Variants in PALM observed in about 807,000 individuals in gnomAD.
PALM encodes the protein paralemmin.
A neutral mutation model predicts 30.7 loss-of-function variants in PALM; 18 were observed. That is an observed-to-expected ratio of 0.59 (90% CI 0.41 to 0.87). The LOEUF is 0.87. Among genes scored for constraint, PALM ranks in the 40% least tolerant of loss-of-function variants. The pLI is 0.00. For synonymous variants in PALM, 286 were observed against 242.8 expected (o/e 1.18, Z -1.66); for missense variants, 529 against 555.4 (o/e 0.95, Z 0.48).
intron 1 of PALM, among the ~76,000 whole-genome samples, chr19:720,905 C>T (rs1394697678): frequency 6.6e-6 from 1 of 152,190 alleles, no homozygotes; most frequent in African/African-American, 2.4e-5. Context: ...GGAGTTCCGC[C>T]GTTTTGTGGA....
chr19:746,356 A>G lies in PALM; in HGVS notation c.706A>G (p.Ile236Val), dbSNP rs375219606. The change falls in exon 9 of 9, where the codon ATC becomes GTC. Residue 236 changes from isoleucine (I) to valine (V), a missense_variant. Transcript: ENST00000338448. The surrounding 1 kb of genome is among the most constrained non-coding windows in gnomAD (Gnocchi z 7.1). ...PLSSSEVDEL[I>V]HKADEVTLSE... ...GAGCTCCTCCGAGGTGGACGAACTC[A>G]TCCACAAAGCGGACGAGGTCACGCT... 154 of 1,612,732 alleles carry G rather than the reference A, an allele frequency of 9.5e-5. No homozygotes were observed. The highest frequency in any genetic ancestry group is 1.3e-4 in the Non-Finnish European group (150 of 1,179,286).
intron 1 of PALM, among the ~76,000 whole-genome samples, chr19:713,576 A>G (rs935199921): frequency 2.6e-5 from 4 of 152,244 alleles, no homozygotes; most frequent in Middle Eastern, 6.8e-3. Context: ...AAATTGGCTT[A>G]TGTTCTTTTT....
intron 1 of PALM, among the ~76,000 whole-genome samples, chr19:717,043 C>T (rs750770220): frequency 2.8e-4 from 42 of 152,056 alleles, no homozygotes; most frequent in Admixed American, 5.2e-4. Context: ...GGTTCTCCTG[C>T]CTCAGCCTCC....
At chr19:729,354 A>G (rs2032793829) in intron 4 of PALM, among the ~76,000 whole-genome samples, 1 of 150,452 alleles carries the variant, frequency 6.6e-6, no homozygotes, top group African/African-American at 2.4e-5. Context: ...AGGGTGGGGC[A>G]GTTCTGGTGG....
At chr19:710,733 C>T (rs950383855) in intron 1 of PALM, among the ~76,000 whole-genome samples, 1 of 150,430 alleles carries the variant, frequency 6.6e-6, no homozygotes, top group African/African-American at 2.4e-5. Flanking sequence ...ACGGTTTCTC[C>T]GTCCTGGGTC....
chr19:738,082 A>G (rs971381340), intron 7 of PALM, among the ~76,000 whole-genome samples: 10 of 152,004 alleles, frequency 6.6e-5, no homozygotes, highest in African/African-American at 2.4e-4. Flanking sequence ...CCAGGGTTTG[A>G]GGAGAAACGA....
chr19:735,982 A>G (rs1599160732), intron 6 of PALM, 37 bp from the exon 7 acceptor site: 1 of 1,581,340 alleles, frequency 6.3e-7, no homozygotes, highest in African/African-American at 1.4e-5. Context: ...CTCTCCTCTG[A>G]CCCTCATCTC....
intron 6 of PALM, 82 bp downstream of exon 6, chr19:734,276 A>C (rs1258240732): frequency 7.2e-7 from 1 of 1,398,250 alleles, no homozygotes; most frequent in Non-Finnish European, 1.0e-6. Context: ...GAGTGAAGCT[A>C]CAAAGTTGCT....
At position 709,444 on chromosome 19, in the gene PALM, T is replaced by TCCGCCCGCGCC. The variant is rs1200953622; in HGVS notation, c.5+303_5+313dup. On this transcript the variant is annotated intron_variant, in intron 1 of 8. Coordinates refer to ENST00000338448, the MANE Select transcript of PALM (RefSeq NM_002579.3). The surrounding 1 kb of genome is among the most constrained non-coding windows in gnomAD (Gnocchi z 4.3). The stretch of plus-strand genomic sequence containing the variant: ...ACGCGGGGAGGGGGAGGCTCGCGTC[T>TCCGCCCGCGCC]CCGCCCGCGCCCCGCCCGCGTCTCC... 1.3e-5 allele frequency among the ~76,000 whole-genome samples: 2 copies of TCCGCCCGCGCC among 150,566 alleles called. No individual in the cohort carries two copies. Among genetic ancestry groups the TCCGCCCGCGCC allele is most frequent in the Non-Finnish European group, 3.0e-5 (2 of 67,486 alleles).
intron 6 of PALM, 128 bp from the exon 7 acceptor site, chr19:735,891 G>T: frequency 2.8e-6 from 2 of 726,014 alleles, no homozygotes; most frequent in Non-Finnish European, 2.3e-6. Context: ...TGGGGTCTGG[G>T]TGTCAAAGGC....
At chr19:711,227 G>GGAGAATCTCTGCTTCGGA (rs1648389630) in intron 1 of PALM, 1 of 978,262 alleles carries the variant, frequency 1.0e-6, no homozygotes, top group Non-Finnish European at 1.2e-6. Context: ...AAGGAGCTGG[G>GGAGAATCTCTGCTTCGGA]GAGAATCTCT....
At chr19:732,432 C>T (rs1360132299) in intron 5 of PALM, among the ~76,000 whole-genome samples, 2 of 152,174 alleles carry the variant, frequency 1.3e-5, no homozygotes, top group Non-Finnish European at 2.9e-5. Context: ...TAGTGGCTCA[C>T]GCCTGTAATC....
intron 2 of PALM, 46 bp from the exon 3 acceptor site, chr19:726,962 C>CGCG: frequency 9.7e-7 from 1 of 1,033,640 alleles, no homozygotes; most frequent in Admixed American, 2.2e-5. Flanking sequence ...GGGGGGTCTC[C>CGCG]GGGACCCCCA....
At chr19:731,276 C>T (rs1178406614) in intron 5 of PALM, 31 bp downstream of exon 5, 1 of 1,563,912 alleles carries the variant, frequency 6.4e-7, no homozygotes, top group South Asian at 1.2e-5. Context: ...AGCGGATCCC[C>T]AGGCACCCAC....
At chr19:720,825 G>A (rs936990956) in intron 1 of PALM, among the ~76,000 whole-genome samples, 1 of 152,168 alleles carries the variant, frequency 6.6e-6, no homozygotes, top group Non-Finnish European at 1.5e-5. Context: ...CCCCGGGTCC[G>A]GTCTGAGCGG....
chr19:727,881 G>A lies in PALM; in HGVS notation c.269+187G>A, dbSNP rs1267491075. On this transcript the variant is annotated intron_variant, in intron 4 of 8. Transcript: ENST00000338448. ...ACAGATCAGGTTGGGGCATCCACCT[G>A]GGTCTGGGGCAGCTTGCTGGGGGCA... 9 of 604,970 alleles carry A rather than the reference G, an allele frequency of 1.5e-5. No individual in the cohort carries two copies. The East Asian group carries it at 2.4e-4, about 16-fold the overall frequency. The allele number at this position is 604,970 out of a possible 1,614,324, so 37.5% of individuals were successfully genotyped here. A position where few individuals can be genotyped will look rare whatever the true frequency, so the allele number is the denominator to read the frequency against.
chr19:740,879 C>T (rs1432740595), intron 8 of PALM, among the ~76,000 whole-genome samples: 1 of 151,978 alleles, frequency 6.6e-6, no homozygotes, highest in East Asian at 1.9e-4. Context: ...GCCTTTAGTC[C>T]CAGCACTTTG....
At chr19:724,485 A>G (rs2032596032) in intron 1 of PALM, among the ~76,000 whole-genome samples, 1 of 151,666 alleles carries the variant, frequency 6.6e-6, no homozygotes, top group African/African-American at 2.4e-5. Context: ...ACGCCTGGCT[A>G]ATTTTTGTAT....
At chr19:719,935 T>A (rs2032402996) in intron 1 of PALM, among the ~76,000 whole-genome samples, 1 of 152,066 alleles carries the variant, frequency 6.6e-6, no homozygotes, top group Non-Finnish European at 1.5e-5. Flanking sequence ...TTTCGCTTAA[T>A]TTTTCCAATC....
Sources: gnomAD v4.1 joint callset for allele counts (sites outside exome capture counted in the v4.1 genomes callset) on GRCh38, gnomAD v4.1.1 for gene constraint, Gnocchi (gnomAD v3.1) non-coding constraint, MANE v1.5 for transcripts, NCBI Gene and HGNC (gene_info 2026-07-23, HGNC 2026-07-21) for gene names.